The following ABCA13 variants were observed in gnomAD, a reference collection of about 807,000 sequenced individuals.
The protein encoded by ABCA13 is ATP-binding cassette sub-family A member 13.
In ABCA13, 476 loss-of-function variants were observed where a neutral mutation model predicts 478.7. The ratio of observed to expected loss-of-function variants is 0.99; its 90% CI spans 0.92 to 1.07. The LOEUF (loss-of-function observed/expected upper bound fraction) is 1.07. Among genes scored for constraint, ABCA13 ranks in the 50% least tolerant of loss-of-function variants. ABCA13 has a pLI of 0.00. For missense variants in ABCA13, 6,060 were observed against 5,910.6 expected (o/e 1.03, Z -0.83); for synonymous variants, 2,252 against 2,158.9 (o/e 1.04, Z -1.20).
chr7:48,326,640 G>T (rs1007005098), intron 27 of ABCA13, among the ~76,000 whole-genome samples: 1 of 152,204 alleles, frequency 6.6e-6, no homozygotes, highest in Non-Finnish European at 1.5e-5. Flanking sequence ...CTTATCAAAA[G>T]CTGTCAACAG....
chr7:48,351,734 G>C (rs1404141152), intron 30 of ABCA13, among the ~76,000 whole-genome samples: 1 of 152,148 alleles, frequency 6.6e-6, no homozygotes, highest in South Asian at 2.1e-4. Context: ...TAAGGGACAC[G>C]ATTTAGCTGT....
intron 31 of ABCA13, among the ~76,000 whole-genome samples, chr7:48,356,448 T>A (rs1425775085): frequency 1.3e-5 from 2 of 151,074 alleles, no homozygotes. Context: ...ATGGGAAAAT[T>A]GGTAGTGTAT....
At chr7:48,442,076 G>A (rs1297301759) in intron 42 of ABCA13, among the ~76,000 whole-genome samples, 1 of 152,196 alleles carries the variant, frequency 6.6e-6, no homozygotes, top group African/African-American at 2.4e-5. Context: ...CAGTGCCCAT[G>A]GGGCCAGCTT....
chr7:48,349,889 G>A (rs962359213), intron 29 of ABCA13, among the ~76,000 whole-genome samples: 6 of 152,218 alleles, frequency 3.9e-5, no homozygotes, highest in Admixed American at 1.3e-4. Context: ...GGGATAGACT[G>A]TTGTCTGTCA....
At chr7:48,573,148 A>C (rs1787837055) in intron 55 of ABCA13, among the ~76,000 whole-genome samples, 1 of 151,792 alleles carries the variant, frequency 6.6e-6, no homozygotes, top group African/African-American at 2.4e-5. Context: ...TACTGTCTTA[A>C]TTTTGCTTAT....
intron 58 of ABCA13, among the ~76,000 whole-genome samples, chr7:48,606,402 G>A (rs1791465332): frequency 6.6e-6 from 1 of 152,148 alleles, no homozygotes; most frequent in Non-Finnish European, 1.5e-5. Flanking sequence ...TGGTCTCTGA[G>A]TGGGCGTCCT....
intron 31 of ABCA13, among the ~76,000 whole-genome samples, chr7:48,367,305 C>T (rs536467285): frequency 6.6e-6 from 1 of 152,062 alleles, no homozygotes; most frequent in African/African-American, 2.4e-5. Flanking sequence ...AGAGTCATTT[C>T]AAGTGTATAT....
In ABCA13 at chr7:48,275,653, A is replaced by G. The variant is rs1489185075; in HGVS notation, c.5987A>G (p.Asn1996Ser). The G allele has an allele frequency of 6.2e-7, 1 of 1,601,260 alleles. No homozygotes were observed. The highest frequency in any genetic ancestry group is 1.7e-4 in the Middle Eastern group (1 of 6,030). Residue 1996 changes from asparagine (N) to serine (S), a missense_variant, in exon 17 of 62, where the codon AAT becomes AGT. By Grantham distance (46) the Asn-to-Ser change is conservative. This residue lies in a region of ABCA13 where 4,423 missense variants were observed against 4,309.1 expected (regional missense o/e 1.03). Transcript: ENST00000435803. ...INEDTETSVQNIISSNLERTV... is the reference protein window; with the variant it reads ...INEDTETSVQSIISSNLERTV... ...GAAGACACAGAGACATCTGTTCAAAATATTATTTCCTCAAATTTGGAAAGG... is the reference window on the plus strand; with the variant it reads ...GAAGACACAGAGACATCTGTTCAAAGTATTATTTCCTCAAATTTGGAAAGG...
intron 15 of ABCA13, among the ~76,000 whole-genome samples, chr7:48,267,805 G>T: frequency 6.6e-6 from 1 of 151,888 alleles, no homozygotes; most frequent in Non-Finnish European, 1.5e-5. Flanking sequence ...TTCTTTATGG[G>T]TCATATTTTT....
Position 48,278,033 on chromosome 7 carries a change from TA to T in ABCA13, c.6900-60del, listed in dbSNP as rs1368794461. On this transcript the variant is annotated intron_variant, in intron 17 of 61. Coordinates refer to ENST00000435803, the MANE Select transcript of ABCA13 (RefSeq NM_152701.5). ...TAATATAAATCACTATGTATCTTAA[TA>T]TTTCCACTGTTAATGTATTAAAAAT... 2.9e-5 allele frequency: 17 copies of T among 577,200 alleles called. No homozygotes were observed. The Admixed American group carries it at 3.3e-4, about 11-fold the overall frequency. The allele number at this position is 577,200 out of a possible 1,614,324, so 35.8% of individuals were successfully genotyped here. A position where few individuals can be genotyped will look rare whatever the true frequency, so the allele number is the denominator to read the frequency against.
rs369070376 is a variant in ABCA13, at chr7:48,278,718, C to T, written c.7524C>T (p.Asp2508=). The part of the protein sequence containing the change: ...MSGTLVMLLN[D]SADLRDLATS... The stretch of plus-strand genomic sequence containing the variant: ...GGACTCTGGTCATGCTGTTGAATGA[C>T]AGTGCTGACCTGAGAGATCTTGCCA... The change falls in exon 18 of 62, where the codon GAC becomes GAT. Residue 2508 remains aspartate, a synonymous_variant. Transcript: ENST00000435803. 63 of 1,613,840 alleles carry T rather than the reference C, an allele frequency of 3.9e-5. No individual in the cohort carries two copies. In the East Asian group the frequency reaches 9.4e-4, roughly 24 times the overall value.
chr7:48,616,031 G>C (rs909180072), intron 59 of ABCA13, among the ~76,000 whole-genome samples: 1 of 151,678 alleles, frequency 6.6e-6, no homozygotes, highest in African/African-American at 2.4e-5. Context: ...AATTAAAGTT[G>C]CCTAAATACA....
intron 31 of ABCA13, among the ~76,000 whole-genome samples, chr7:48,356,066 G>A (rs548760282): frequency 1.3e-5 from 2 of 152,068 alleles, no homozygotes; most frequent in East Asian, 3.9e-4. Context: ...AGGAGATTGA[G>A]AAAGTATCAT....
In ABCA13 at chr7:48,335,688, G is replaced by A. The variant is rs553564163; in HGVS notation, c.10113+153G>A. ...AATTGACATAAAACTAGAGATGTGTGAAAACTTTTTGTGAATTTTCAGTAT... is the reference window on the plus strand; with the variant it reads ...AATTGACATAAAACTAGAGATGTGTAAAAACTTTTTGTGAATTTTCAGTAT... On this transcript the variant is annotated intron_variant, in intron 28 of 61. Transcript: ENST00000435803. Among the ~76,000 whole-genome samples, 15 of 152,300 alleles carry A rather than the reference G, an allele frequency of 9.8e-5. 2 individuals carry two copies. In the South Asian group the frequency reaches 2.9e-3, roughly 29 times the overall value.
rs754321671 is a variant in ABCA13, at chr7:48,455,269, C to T, written c.12798C>T (p.Ala4266=). 1.5e-5 allele frequency: 24 copies of T among 1,604,242 alleles called. No homozygotes were observed. The African/African-American group carries it at 2.7e-4, about 18-fold the overall frequency. The change falls in exon 43 of 62, where the codon GCC becomes GCT. Residue 4266 remains alanine, a synonymous_variant. Coordinates refer to ENST00000435803, the MANE Select transcript of ABCA13 (RefSeq NM_152701.5). ...LRLTPGHYQR[A]ETYFFSSGGD... ...TCACACCTGGACATTACCAGCGGGCCGAGACCTACTTTTTCAGGTAAGTTG... is the reference window on the plus strand; with the variant it reads ...TCACACCTGGACATTACCAGCGGGCTGAGACCTACTTTTTCAGGTAAGTTG...
intron 55 of ABCA13, among the ~76,000 whole-genome samples, chr7:48,562,269 GTTA>G (rs1310310563): frequency 6.6e-6 from 1 of 151,496 alleles, no homozygotes; most frequent in Non-Finnish European, 1.5e-5. Context: ...ACCTTCTAAT[GTTA>G]TTATTATACT....
In ABCA13 at chr7:48,275,845, C is replaced by T. The variant is rs775473596; in HGVS notation, c.6179C>T (p.Pro2060Leu). Residue 2060 changes from proline (P) to leucine (L), a missense_variant, in exon 17 of 62, where the codon CCC (proline) becomes CTC (leucine). Physicochemically the swap from Pro to Leu is moderately conservative, Grantham distance 98 (BLOSUM62 -3). Transcript: ENST00000435803. The part of the protein sequence containing the change: ...ETPYNFEELW[P>L]KFQQIMKDLT... ...CCTTACAACTTTGAAGAACTATGGCCCAAGTTTCAACAAATCATGAAAGAC... is the reference window on the plus strand; with the variant it reads ...CCTTACAACTTTGAAGAACTATGGCTCAAGTTTCAACAAATCATGAAAGAC... 2 of 1,613,142 alleles carry T rather than the reference C, an allele frequency of 1.2e-6. No homozygotes were observed. Among genetic ancestry groups the T allele is most frequent in the Non-Finnish European group, 8.5e-7 (1 of 1,179,708 alleles).
intron 40 of ABCA13, among the ~76,000 whole-genome samples, chr7:48,412,108 C>T (rs757590315): frequency 1.3e-5 from 2 of 152,028 alleles, no homozygotes; most frequent in East Asian, 1.9e-4. Context: ...GTAGCTAAGA[C>T]GGGCATGTTG....
chr7:48,481,761 G>A (rs188582051), intron 46 of ABCA13, among the ~76,000 whole-genome samples: 178 of 152,102 alleles, frequency 1.2e-3, no homozygotes, highest in African/African-American at 4.2e-3. Flanking sequence ...TCCCGCCTCA[G>A]GCTCCCAAAG....
Sources: gnomAD v4.1 joint callset for allele counts (sites outside exome capture counted in the v4.1 genomes callset) on GRCh38, gnomAD v4.1.1 for gene constraint, gnomAD v4.1.1 regional missense constraint, MANE v1.5 for transcripts, NCBI Gene and HGNC (gene_info 2026-07-23, HGNC 2026-07-21) for gene names.